PRDM5: variants seen among roughly 807,000 people sequenced by gnomAD.
PRDM5 encodes the protein PR domain zinc finger protein 5.
A neutral mutation model predicts 81.2 loss-of-function variants in PRDM5; 56 were observed. The ratio of observed to expected loss-of-function variants is 0.69; its 90% CI spans 0.56 to 0.86. The LOEUF (loss-of-function observed/expected upper bound fraction) is 0.86, where lower values mean the gene tolerates loss of function less well. Ranked by LOEUF, PRDM5 falls within the 40% of genes least tolerant of loss-of-function variation. The probability of loss-of-function intolerance (pLI) is 0.00; values close to 1 mark genes in which losing one functional copy is unlikely to be tolerated. For synonymous variants in PRDM5, 267 were observed against 256.4 expected, an observed-to-expected ratio of 1.04 and a Z score of -0.39; for missense variants, 697 against 770.1, an observed-to-expected ratio of 0.91 and a Z score of 1.12.
At chr4:120,706,754 A>C (rs1326432511) in intron 15 of PRDM5, among the ~76,000 whole-genome samples, 1 of 98,320 alleles carries the variant, frequency 1.0e-5, no homozygotes, top group Non-Finnish European at 2.2e-5. Context: ...CCATTATATA[A>C]ATTTTATATA....
chr4:120,827,914 A>G lies in PRDM5; in HGVS notation c.301-6569T>C, dbSNP rs138052263. 2.5e-3 allele frequency among the ~76,000 whole-genome samples: 387 copies of G among 152,224 alleles called. 2 individuals carry two copies. Among genetic ancestry groups the G allele is most frequent in the African/African-American group, 9.0e-3 (372 of 41,562 alleles). On this transcript the variant is annotated intron_variant, in intron 3 of 15. Transcript: ENST00000264808. ...TAGAAAATACAATGCCCCTAGACTT[A>G]TTAATGCTTTGGACTGGACTCTACT...
At chr4:120,874,383 T>C (rs1762138780) in intron 2 of PRDM5, among the ~76,000 whole-genome samples, 1 of 152,126 alleles carries the variant, frequency 6.6e-6, no homozygotes, top group South Asian at 2.1e-4. Flanking sequence ...GGAGGTGAAA[T>C]GTTTTCTGTC....
intron 2 of PRDM5, among the ~76,000 whole-genome samples, chr4:120,897,263 T>C (rs1764739675): frequency 6.6e-6 from 1 of 152,200 alleles, no homozygotes; most frequent in African/African-American, 2.4e-5. Flanking sequence ...CATTCTAGAT[T>C]GGCAGCTATT....
chr4:120,882,601 A>G (rs1762965867), intron 2 of PRDM5, among the ~76,000 whole-genome samples: 1 of 152,198 alleles, frequency 6.6e-6, no homozygotes, highest in South Asian at 2.1e-4. Context: ...AATTGAAATA[A>G]CCATTTTATA....
intron 3 of PRDM5, chr4:120,837,628 A>T (rs1214611649): frequency 1.3e-5 from 2 of 152,246 alleles, no homozygotes; most frequent in Non-Finnish European, 2.9e-5. Context: ...GAGCATTTTA[A>T]ATTTGATAAA....
intron 15 of PRDM5, among the ~76,000 whole-genome samples, chr4:120,709,408 T>C (rs1254214126): frequency 1.3e-5 from 2 of 152,194 alleles, no homozygotes; most frequent in African/African-American, 4.8e-5. Context: ...TAAAGGTATT[T>C]TTATGAGTAT....
At chr4:120,738,058 GT>G (rs1224797417) in intron 14 of PRDM5, among the ~76,000 whole-genome samples, 2 of 152,120 alleles carry the variant, frequency 1.3e-5, no homozygotes, top group Admixed American at 1.3e-4. Context: ...ATAAAAATAA[GT>G]TTTCTAAATT....
At chr4:120,791,886 C>G (rs1712235199) in intron 10 of PRDM5, among the ~76,000 whole-genome samples, 1 of 152,224 alleles carries the variant, frequency 6.6e-6, no homozygotes, top group Non-Finnish European at 1.5e-5. Context: ...CCCTCTTTCT[C>G]CCTCATGTGA....
At chr4:120,740,459 T>A (rs1741757072) in intron 14 of PRDM5, among the ~76,000 whole-genome samples, 1 of 152,072 alleles carries the variant, frequency 6.6e-6, no homozygotes, top group Admixed American at 6.6e-5. Flanking sequence ...CCCTCCTTCC[T>A]CTCTAAACCC....
rs1334149828 is a variant in PRDM5, at chr4:120,860,324, CTT to C, written c.178-6786_178-6785del. Among the ~76,000 whole-genome samples the C allele has an allele frequency of 4.6e-5, 7 of 151,594 alleles. No individual in the cohort carries two copies. The East Asian group carries it at 7.7e-4, about 17-fold the overall frequency. ...ATGTTCAAAAATATTTTATAAGACACTTAATGTAAAATATTTTAAAGCACTCC... is the reference window on the plus strand; with the variant it reads ...ATGTTCAAAAATATTTTATAAGACACAATGTAAAATATTTTAAAGCACTCC... On this transcript the variant is annotated intron_variant, in intron 2 of 15. Coordinates refer to ENST00000264808, the MANE Select transcript of PRDM5 (RefSeq NM_018699.4).
chr4:120,917,895 T>C (rs1724394920), intron 1 of PRDM5, among the ~76,000 whole-genome samples: 1 of 152,204 alleles, frequency 6.6e-6, no homozygotes, highest in African/African-American at 2.4e-5. Flanking sequence ...TGGAATGACC[T>C]GAGTTCAAAT....
intron 3 of PRDM5, among the ~76,000 whole-genome samples, chr4:120,843,685 T>TAAA (rs375029200): frequency 3.2e-5 from 4 of 123,526 alleles, no homozygotes; most frequent in African/African-American, 6.1e-5. Flanking sequence ...GATCCGGCCT[T>TAAA]AAAAAAAAAA....
chr4:120,863,637 T>C (rs891922575), intron 2 of PRDM5, among the ~76,000 whole-genome samples: 3 of 151,594 alleles, frequency 2.0e-5, no homozygotes, highest in Non-Finnish European at 4.4e-5. Context: ...AGAAAGAAAA[T>C]AAATTGAAAT....
chr4:120,847,375 G>A (rs777535220), intron 3 of PRDM5, among the ~76,000 whole-genome samples: 2 of 151,850 alleles, frequency 1.3e-5, no homozygotes, highest in Non-Finnish European at 2.9e-5. Flanking sequence ...ACCCTCTCTG[G>A]GAGAAGCAGG....
At position 120,853,469 on chromosome 4, in the gene PRDM5, G is replaced by C. The variant is rs767417761; in HGVS notation, c.249C>G (p.Arg83=). 4 of 1,613,766 alleles carry C rather than the reference G, an allele frequency of 2.5e-6. No individual in the cohort carries two copies. The highest frequency in any genetic ancestry group is 3.4e-6 in the Non-Finnish European group (4 of 1,179,762). The change falls in exon 3 of 16, where the codon CGC becomes CGG. Residue 83 remains arginine, a synonymous_variant. Transcript: ENST00000264808. ...ATNPRHSNWL[R]FVHEAPSQEQ... ...CCTGAGATGGTGCCTCATGAACGAA[G>C]CGAAGCCAGTTGGAGTGCCGTGGGT...
intron 2 of PRDM5, among the ~76,000 whole-genome samples, chr4:120,892,045 T>A (rs2148627358): frequency 6.6e-6 from 1 of 152,352 alleles, no homozygotes; most frequent in Middle Eastern, 3.4e-3. Flanking sequence ...TTCTTGATTT[T>A]GGCCTTAATT....
intron 15 of PRDM5, among the ~76,000 whole-genome samples, chr4:120,701,428 C>A (rs1735347291): frequency 6.6e-6 from 1 of 152,056 alleles, no homozygotes; most frequent in South Asian, 2.1e-4. Flanking sequence ...ATGGAATCAA[C>A]CTAGGTGCCA....
At chr4:120,851,479 A>AC (rs1759265833) in intron 3 of PRDM5, among the ~76,000 whole-genome samples, 1 of 152,008 alleles carries the variant, frequency 6.6e-6, no homozygotes. Context: ...AAAAAAAAAA[A>AC]AAACATCAGT....
intron 14 of PRDM5, among the ~76,000 whole-genome samples, chr4:120,749,435 C>T (rs1292795436): frequency 6.6e-6 from 1 of 152,112 alleles, no homozygotes; most frequent in African/African-American, 2.4e-5. Context: ...GGCAGGATAC[C>T]TTAGAGAGCC....
Sources: gnomAD v4.1 joint callset for allele counts (sites outside exome capture counted in the v4.1 genomes callset) on GRCh38, gnomAD v4.1.1 for gene constraint, MANE v1.5 for transcripts, NCBI Gene and HGNC (gene_info 2026-07-23, HGNC 2026-07-21) for gene names.